Variants in P3H2 observed in about 807,000 individuals in gnomAD.
P3H2 encodes prolyl 3-hydroxylase 2, also known as leprecan-like 1.
In P3H2, 80 loss-of-function variants were observed where a neutral mutation model predicts 87.0. The ratio of observed to expected loss-of-function variants is 0.92; its 90% CI spans 0.77 to 1.11. The LOEUF is 1.11. Ranked by LOEUF, P3H2 falls within the 50% of genes least tolerant of loss-of-function variation. The probability of loss-of-function intolerance (pLI) is 0.00; values close to 1 mark genes in which losing one functional copy is unlikely to be tolerated. For missense variants in P3H2, 1,001 were observed against 923.9 expected (o/e 1.08, Z -1.08); for synonymous variants, 367 against 359.3 (o/e 1.02, Z -0.24).
intron 1 of P3H2, among the ~76,000 whole-genome samples, chr3:190,051,937 A>G (rs1263093846): frequency 6.6e-6 from 1 of 152,210 alleles, no homozygotes. Flanking sequence ...CATCTGTTCT[A>G]TTCACACTTG....
chr3:190,066,765 T>C (rs765084189), intron 1 of P3H2, among the ~76,000 whole-genome samples: 1 of 152,156 alleles, frequency 6.6e-6, no homozygotes, highest in Non-Finnish European at 1.5e-5. Context: ...ATGTCATTCG[T>C]CAACAATCAG....
intron 2 of P3H2, 132 bp from the exon 3 acceptor site, chr3:189,994,415 G>A: frequency 2.8e-6 from 2 of 704,792 alleles, no homozygotes; most frequent in Admixed American, 2.5e-5. Flanking sequence ...TGCTTCTGCT[G>A]CGGAGGGATA....
chr3:190,001,451 G>A lies in P3H2; in HGVS notation c.481-6009C>T, dbSNP rs191219547. Among the ~76,000 whole-genome samples, 523 of 151,904 alleles carry A rather than the reference G, an allele frequency of 3.4e-3. 4 individuals are homozygous for A. Among genetic ancestry groups the A allele is most frequent in the Non-Finnish European group, 3.6e-3 (244 of 67,970 alleles). On this transcript the variant is annotated intron_variant, in intron 1 of 14. Coordinates refer to ENST00000319332, the MANE Select transcript of P3H2 (RefSeq NM_018192.4). ...ATGAATGAATTCTTTTTCTACTTTC[G>A]TCACCCTAACTTTGGGAATTTATCC... is the stretch of plus-strand genomic sequence containing the variant.
At chr3:189,984,425 C>T in intron 7 of P3H2, 125 bp downstream of exon 7, 4 of 776,616 alleles carry the variant, frequency 5.2e-6, no homozygotes, top group Non-Finnish European at 8.8e-6. Flanking sequence ...GCTCCTAATT[C>T]AGAGCTTAGA....
At chr3:190,102,780 C>G (rs112645279) in intron 1 of P3H2, among the ~76,000 whole-genome samples, 3,993 of 152,266 alleles carry the variant, frequency 0.026, 183 homozygotes, top group African/African-American at 0.09. Flanking sequence ...TGCTATCAAA[C>G]AGCACAGTAT....
intron 13 of P3H2, chr3:189,969,171 C>G: frequency 1.5e-6 from 1 of 661,900 alleles, no homozygotes. Flanking sequence ...CCCGGTCCAC[C>G]AAAACTGCTT....
chr3:190,055,828 T>C (rs114715145), intron 1 of P3H2, among the ~76,000 whole-genome samples: 3,030 of 152,316 alleles, frequency 0.02, 109 homozygotes, highest in African/African-American at 0.07. Context: ...CCATGGAATG[T>C]AGCTCTAAAA....
At chr3:189,969,521 A>T in intron 13 of P3H2, 1 of 1,179,146 alleles carries the variant, frequency 8.5e-7, no homozygotes. Flanking sequence ...GGTCCTGTCA[A>T]TGAACTGATC....
intron 14 of P3H2, among the ~76,000 whole-genome samples, chr3:189,961,817 A>C (rs1256893185): frequency 6.6e-6 from 1 of 152,248 alleles, no homozygotes; most frequent in Non-Finnish European, 1.5e-5. Flanking sequence ...CCTATTACAA[A>C]GGAGCAAAGA....
rs9822091 is a variant in P3H2 at position 189,969,640 on chromosome 3, G to A, written c.1893+1176C>T. The A allele has an allele frequency of 2.1e-3, 2,502 of 1,187,062 alleles. 33 individuals are homozygous for A. In the African/African-American group the frequency reaches 0.033, roughly 16 times the overall value. The allele number at this position is 1,187,062 out of a possible 1,614,324, so 73.5% of individuals were successfully genotyped here. On this transcript the variant is annotated intron_variant, in intron 13 of 14. Coordinates refer to ENST00000319332, the MANE Select transcript of P3H2 (RefSeq NM_018192.4). ...CCTTCAAAGCCCAGATGGTCGCCTG[G>A]TAGTTGACCTTGGAAGCCAGGATGG...
intron 1 of P3H2, among the ~76,000 whole-genome samples, chr3:190,073,634 G>A (rs1360725445): frequency 6.6e-6 from 1 of 152,166 alleles, no homozygotes; most frequent in Non-Finnish European, 1.5e-5. Context: ...GTGTGGTCAA[G>A]GATCATAGGC....
intron 1 of P3H2, among the ~76,000 whole-genome samples, chr3:190,040,730 T>C (rs1307557339): frequency 2.0e-5 from 3 of 152,062 alleles, no homozygotes; most frequent in African/African-American, 7.2e-5. Context: ...AGCAGATACA[T>C]TGGATACATT....
rs146679780 is a variant in P3H2, at chr3:190,064,466, T to C, written c.480+55786A>G. On this transcript the variant is annotated intron_variant, in intron 1 of 14. Transcript: ENST00000319332. ...CTCATCACGGTATGACTCTTCTGAA[T>C]CTGAAGTCGACAGGTTTAAGCAAGG... Among the ~76,000 whole-genome samples, 451 of 152,240 alleles carry C rather than the reference T, an allele frequency of 3.0e-3. 1 individual carries two copies. The highest frequency in any genetic ancestry group is 0.011 in the South Asian group (52 of 4,830).
Position 190,120,408 on chromosome 3 carries a change from G to T in P3H2, c.324C>A (p.Pro108=), listed in dbSNP as rs975097796. ...PPGEGPGAEL[P]LFRSLLGRAR... The stretch of plus-strand genomic sequence containing the variant: ...CCCGCCCCAACAAGGAGCGGAAAAG[G>T]GGCAGCTCAGCGCCGGGGCCCTCGC... The change falls in exon 1 of 15, where the codon CCC becomes CCA. Residue 108 remains proline, a synonymous_variant. Coordinates refer to ENST00000319332, the MANE Select transcript of P3H2 (RefSeq NM_018192.4). 14 of 1,534,016 alleles carry T rather than the reference G, an allele frequency of 9.1e-6. No homozygotes were observed. Among genetic ancestry groups the T allele is most frequent in the Non-Finnish European group, 1.2e-5 (14 of 1,146,750 alleles).
At chr3:190,009,542 A>G (rs933304243) in intron 1 of P3H2, among the ~76,000 whole-genome samples, 10 of 152,170 alleles carry the variant, frequency 6.6e-5, no homozygotes, top group African/African-American at 2.2e-4. Context: ...GGGCATCCCA[A>G]TAAGGTACTA....
intron 1 of P3H2, among the ~76,000 whole-genome samples, chr3:190,098,581 C>G (rs1711508605): frequency 6.6e-6 from 1 of 152,054 alleles, no homozygotes; most frequent in Non-Finnish European, 1.5e-5. Flanking sequence ...TAATGAAATC[C>G]TCGCAATGCC....
intron 1 of P3H2, among the ~76,000 whole-genome samples, chr3:189,997,513 A>G (rs1724087939): frequency 6.6e-6 from 1 of 152,240 alleles, no homozygotes; most frequent in Non-Finnish European, 1.5e-5. Flanking sequence ...ATTAAAAACT[A>G]GAAGTAGTAG....
At chr3:190,060,095 C>T (rs978973667) in intron 1 of P3H2, among the ~76,000 whole-genome samples, 6 of 152,042 alleles carry the variant, frequency 3.9e-5, no homozygotes, top group Non-Finnish European at 7.4e-5. Context: ...AAGACTAATC[C>T]AATGCCTGAA....
chr3:190,090,231 T>C (rs1727364218), intron 1 of P3H2, among the ~76,000 whole-genome samples: 1 of 152,232 alleles, frequency 6.6e-6, no homozygotes, highest in Non-Finnish European at 1.5e-5. Flanking sequence ...TCATTCGTTT[T>C]TATTTTTTTC....
Sources: allele counts gnomAD v4.1 joint callset (sites outside exome capture counted in the v4.1 genomes callset), GRCh38; gene constraint gnomAD v4.1.1; transcripts MANE v1.5; gene names NCBI Gene and HGNC (gene_info 2026-07-23, HGNC 2026-07-21).